The following ARHGAP12 variants were observed in gnomAD, a reference collection of about 807,000 sequenced individuals.
ARHGAP12 encodes the protein Rho GTPase activating protein 12.
ARHGAP12 carries 64 observed loss-of-function variants against 108.6 expected under a neutral mutation model. That is an observed-to-expected ratio of 0.59 (90% CI 0.48 to 0.73). The LOEUF (loss-of-function observed/expected upper bound fraction) is 0.73, where lower values mean the gene tolerates loss of function less well. ARHGAP12 is among the 30% of genes least tolerant of loss of function. ARHGAP12 has a pLI of 0.00. For missense variants in ARHGAP12, 940 were observed against 1,005.9 expected, an observed-to-expected ratio of 0.93 and a Z score of 0.89; for synonymous variants, 312 against 337.2, an observed-to-expected ratio of 0.93 and a Z score of 0.82.
At chr10:31,817,407 G>A (rs1040172276) in intron 13 of ARHGAP12, among the ~76,000 whole-genome samples, 1 of 152,138 alleles carries the variant, frequency 6.6e-6, no homozygotes, top group Non-Finnish European at 1.5e-5. Flanking sequence ...CTAATGAAGA[G>A]ACTACAGCTT....
Position 31,855,686 on chromosome 10 carries a change from T to C in ARHGAP12, c.949-1480A>G, listed in dbSNP as rs117314040. 5.3e-5 allele frequency among the ~76,000 whole-genome samples: 8 copies of C among 152,308 alleles called. No individual in the cohort carries two copies. In the East Asian group the frequency reaches 1.5e-3, roughly 29 times the overall value. On this transcript the variant is annotated intron_variant, in intron 4 of 19. Transcript: ENST00000344936. ...GACGAGAAGAGTGCAGTAAAACTTT[T>C]AGAAACAGAAAAAGGGCAACTGAAT...
chr10:31,825,075 G>A (rs1456718232), intron 11 of ARHGAP12, among the ~76,000 whole-genome samples: 3 of 152,028 alleles, frequency 2.0e-5, no homozygotes, highest in African/African-American at 4.8e-5. Flanking sequence ...ATTTCCACTG[G>A]AATGGCTGAA....
intron 6 of ARHGAP12, among the ~76,000 whole-genome samples, chr10:31,848,259 GC>G (rs1476590755): frequency 6.6e-6 from 1 of 152,190 alleles, no homozygotes; most frequent in East Asian, 1.9e-4. Context: ...ATCCAGTGGT[GC>G]CATCTACTGC....
At chr10:31,898,422 C>T (rs1482047386) in intron 3 of ARHGAP12, among the ~76,000 whole-genome samples, 1 of 152,084 alleles carries the variant, frequency 6.6e-6, no homozygotes, top group African/African-American at 2.4e-5. Flanking sequence ...AAAGTATTGA[C>T]AAGGATGTGG....
intron 4 of ARHGAP12, among the ~76,000 whole-genome samples, chr10:31,860,663 G>C (rs569590617): frequency 1.6e-4 from 24 of 152,302 alleles, no homozygotes; most frequent in Non-Finnish European, 3.1e-4. Flanking sequence ...CAATGGTCTT[G>C]TACCGCTGAC....
chr10:31,883,048 C>A (rs781730447), intron 3 of ARHGAP12, among the ~76,000 whole-genome samples: 12 of 152,074 alleles, frequency 7.9e-5, no homozygotes, highest in Non-Finnish European at 1.6e-4. Flanking sequence ...GTAATCCCAG[C>A]ACTTTGGGAG....
intron 1 of ARHGAP12, among the ~76,000 whole-genome samples, chr10:31,918,450 C>A (rs1447635703): frequency 6.6e-6 from 1 of 152,026 alleles, no homozygotes; most frequent in East Asian, 1.9e-4. Context: ...TATCTGTAAT[C>A]CCAGTAATTT....
At chr10:31,882,409 A>C (rs968560688) in intron 3 of ARHGAP12, among the ~76,000 whole-genome samples, 21 of 152,328 alleles carry the variant, frequency 1.4e-4, no homozygotes, top group African/African-American at 4.1e-4. Context: ...AACTAAGTAA[A>C]AAATCATGAC....
At chr10:31,834,450 C>T (rs1460787424) in intron 9 of ARHGAP12, among the ~76,000 whole-genome samples, 2 of 152,194 alleles carry the variant, frequency 1.3e-5, no homozygotes, top group Non-Finnish European at 2.9e-5. Flanking sequence ...AAGGTGCCCT[C>T]ACCAGACAGT....
chr10:31,886,048 T>C (rs928603163), intron 3 of ARHGAP12, among the ~76,000 whole-genome samples: 1 of 152,176 alleles, frequency 6.6e-6, no homozygotes, highest in East Asian at 1.9e-4. Context: ...TTCAAACTAA[T>C]TGTTGTGATA....
At chr10:31,865,975 A>G (rs1252965803) in intron 3 of ARHGAP12, among the ~76,000 whole-genome samples, 1 of 152,232 alleles carries the variant, frequency 6.6e-6, no homozygotes, top group Non-Finnish European at 1.5e-5. Flanking sequence ...GCAAGATGAA[A>G]TGAGAACCCT....
intron 3 of ARHGAP12, among the ~76,000 whole-genome samples, chr10:31,897,699 G>A (rs1474024852): frequency 2.0e-5 from 3 of 152,106 alleles, no homozygotes; most frequent in African/African-American, 7.2e-5. Flanking sequence ...CCTGATATAT[G>A]GTGTCTGGCT....
At chr10:31,810,840 C>G (rs922020283) in intron 15 of ARHGAP12, 93 bp from the exon 16 acceptor site, 1 of 922,094 alleles carries the variant, frequency 1.1e-6, no homozygotes, top group Non-Finnish European at 1.7e-6. Context: ...AAACATCCAG[C>G]GTAACCAAAT....
chr10:31,874,972 TCAAAAAAA>T (rs1837673406), intron 3 of ARHGAP12, among the ~76,000 whole-genome samples: 1 of 20,932 alleles, frequency 4.8e-5, no homozygotes, highest in African/African-American at 1.6e-4. Context: ...AGACTCTGTC[TCAAAAAAA>T]AAAAAAAAAA....
chr10:31,876,039 TCATC>T (rs911268199), intron 3 of ARHGAP12, among the ~76,000 whole-genome samples: 1 of 145,028 alleles, frequency 6.9e-6, no homozygotes, highest in African/African-American at 2.5e-5. Flanking sequence ...ATTAATGTAT[TCATC>T]CATCAATAGA....
chr10:31,861,767 T>C, intron 3 of ARHGAP12, 109 bp from the exon 4 acceptor site: 2 of 975,266 alleles, frequency 2.1e-6, no homozygotes, highest in Non-Finnish European at 3.0e-6. Context: ...TTAAAACATA[T>C]ATACAGGTGA....
chr10:31,861,821 A>G (rs1184500925), intron 3 of ARHGAP12, among the ~76,000 whole-genome samples, 163 bp from the exon 4 acceptor site: 1 of 152,234 alleles, frequency 6.6e-6, no homozygotes, highest in African/African-American at 2.4e-5. Context: ...TAATATTCAT[A>G]GTTTCATTGA....
intron 15 of ARHGAP12, among the ~76,000 whole-genome samples, chr10:31,812,156 A>T (rs976502863): frequency 3.9e-5 from 6 of 152,156 alleles, no homozygotes; most frequent in Admixed American, 1.3e-4. Flanking sequence ...GGAATTAAAC[A>T]CGCTCGTAAG....
chr10:31,874,971 C>A (rs1837672144), intron 3 of ARHGAP12, among the ~76,000 whole-genome samples: 2 of 34,328 alleles, frequency 5.8e-5, no homozygotes, highest in African/African-American at 2.1e-4. Context: ...AAGACTCTGT[C>A]TCAAAAAAAA....
Sources: gnomAD v4.1 joint callset for allele counts (sites outside exome capture counted in the v4.1 genomes callset) on GRCh38, gnomAD v4.1.1 for gene constraint, MANE v1.5 for transcripts, NCBI Gene and HGNC (gene_info 2026-07-23, HGNC 2026-07-21) for gene names.